The following RGS5 variants were observed in gnomAD, a reference collection of about 807,000 sequenced individuals.
The protein encoded by RGS5 is regulator of G-protein signalling 5.
A neutral mutation model predicts 18.9 loss-of-function variants in RGS5; 20 were observed. That is an observed-to-expected ratio of 1.06 (90% CI 0.74 to 1.54). The LOEUF is 1.54. RGS5 is among the 40% of genes most tolerant of loss of function. The pLI is 0.00. For synonymous variants in RGS5, 57 were observed against 76.2 expected, an observed-to-expected ratio of 0.75 and a Z score of 1.31; for missense variants, 201 against 211.8, an observed-to-expected ratio of 0.95 and a Z score of 0.32.
At chr1:163,159,963 A>T (rs951943042) in intron 3 of RGS5, among the ~76,000 whole-genome samples, 7 of 152,188 alleles carry the variant, frequency 4.6e-5, no homozygotes, top group Admixed American at 4.6e-4. Flanking sequence ...AGTAGAAAAT[A>T]TTACTGTGAG....
chr1:163,234,093 T>C (rs1465092220), intron 2 of RGS5, among the ~76,000 whole-genome samples: 2 of 152,232 alleles, frequency 1.3e-5, no homozygotes, highest in Non-Finnish European at 2.9e-5. Context: ...CTTGACCTAC[T>C]GCTGGCTAGG....
intron 1 of RGS5, among the ~76,000 whole-genome samples, chr1:163,215,291 G>T (rs2101674270): frequency 6.6e-6 from 1 of 152,254 alleles, no homozygotes; most frequent in South Asian, 2.1e-4. Context: ...CCTGCTGCTT[G>T]GGTTTACTCC....
intron 2 of RGS5, among the ~76,000 whole-genome samples, chr1:163,286,311 A>G (rs1203738039): frequency 6.6e-6 from 1 of 152,120 alleles, no homozygotes; most frequent in African/African-American, 2.4e-5. Context: ...GCATTAGTAG[A>G]TTTTAGTATC....
At chr1:163,317,926 G>A (rs1050748752) in intron 1 of RGS5, among the ~76,000 whole-genome samples, 1 of 149,626 alleles carries the variant, frequency 6.7e-6, no homozygotes, top group Non-Finnish European at 1.5e-5. Context: ...ATATTTGCTT[G>A]TTCATTATTA....
intron 1 of RGS5, among the ~76,000 whole-genome samples, chr1:163,190,695 A>G (rs1659308317): frequency 6.6e-6 from 1 of 152,232 alleles, no homozygotes; most frequent in Admixed American, 6.5e-5. Context: ...TGTCACTCCT[A>G]TCAAAGAAGA....
In RGS5 at chr1:163,146,525, A is replaced by T. The variant is rs1391630463; in HGVS notation, c.*817T>A. 3 of 152,214 alleles carry T rather than the reference A, an allele frequency of 2.0e-5. No homozygotes were observed. Among genetic ancestry groups the T allele is most frequent in the Admixed American group, 1.3e-4 (2 of 15,282 alleles). The allele number at this position is 152,214 out of a possible 1,614,324, so 9.4% of individuals were successfully genotyped here. On this transcript the variant is annotated 3_prime_UTR_variant, in exon 5 of 5. Transcript: ENST00000313961. ...TTAGAAATTTACAAATTTTAAACTC[A>T]TAAGAATTCTAAATAATTTGAAAAT...
intron 2 of RGS5, among the ~76,000 whole-genome samples, chr1:163,234,134 A>G (rs1445625386): frequency 6.6e-6 from 1 of 152,242 alleles, no homozygotes; most frequent in Non-Finnish European, 1.5e-5. Flanking sequence ...TAGAAGGGAT[A>G]AGATCACATA....
chr1:163,185,501 C>A (rs1183957100), intron 1 of RGS5, among the ~76,000 whole-genome samples: 1 of 152,206 alleles, frequency 6.6e-6, no homozygotes, highest in Non-Finnish European at 1.5e-5. Flanking sequence ...CTCAACCCCC[C>A]AGGCTCAACT....
At chr1:163,236,024 A>G (rs539193077) in intron 2 of RGS5, among the ~76,000 whole-genome samples, 1 of 152,304 alleles carries the variant, frequency 6.6e-6, no homozygotes, top group East Asian at 1.9e-4. Context: ...CTAGATTCTG[A>G]GACTATCTCT....
chr1:163,297,126 TAAAG>T (rs1453876871), intron 2 of RGS5, among the ~76,000 whole-genome samples: 1 of 151,932 alleles, frequency 6.6e-6, no homozygotes, highest in Non-Finnish European at 1.5e-5. Context: ...CAGTTGGAGG[TAAAG>T]AAAGGCAGAT....
intron 2 of RGS5, among the ~76,000 whole-genome samples, chr1:163,297,433 T>A (rs1331919461): frequency 1.3e-5 from 2 of 152,202 alleles, no homozygotes; most frequent in African/African-American, 4.8e-5. Context: ...TTATACCTTA[T>A]CTGCTTTTTA....
chr1:163,164,877 A>T (rs928966919), intron 2 of RGS5, among the ~76,000 whole-genome samples: 1 of 152,220 alleles, frequency 6.6e-6, no homozygotes, highest in African/African-American at 2.4e-5. Flanking sequence ...TGCCTGGCAC[A>T]TACTTAAATG....
intron 2 of RGS5, among the ~76,000 whole-genome samples, chr1:163,259,332 A>G (rs1156444412): frequency 7.4e-6 from 1 of 134,790 alleles, no homozygotes; most frequent in Admixed American, 7.3e-5. Context: ...TTTTTTTTTT[A>G]TCTTTTTTTT....
intron 2 of RGS5, among the ~76,000 whole-genome samples, chr1:163,256,194 T>C (rs1648267697): frequency 6.6e-6 from 1 of 152,080 alleles, no homozygotes; most frequent in African/African-American, 2.4e-5. Flanking sequence ...GATGACATGA[T>C]TGTATATCTA....
At chr1:163,238,540 TC>T (rs1158482657) in intron 2 of RGS5, 1 of 158,214 alleles carries the variant, frequency 6.3e-6, no homozygotes, top group African/African-American at 2.4e-5. Context: ...AGCTAGACCT[TC>T]CTCCACTTTT....
intron 2 of RGS5, among the ~76,000 whole-genome samples, chr1:163,256,333 C>G (rs1407055948): frequency 6.6e-6 from 1 of 151,634 alleles, no homozygotes; most frequent in Non-Finnish European, 1.5e-5. Context: ...AAACAGAGAG[C>G]CAAATCATGA....
intron 1 of RGS5, among the ~76,000 whole-genome samples, chr1:163,311,515 T>C (rs939978641): frequency 4.6e-5 from 7 of 152,222 alleles, no homozygotes; most frequent in African/African-American, 1.7e-4. Context: ...AAGTGAGACA[T>C]TTGACTCTTT....
chr1:163,226,025 A>G (rs2101681162), intron 2 of RGS5, among the ~76,000 whole-genome samples: 1 of 151,946 alleles, frequency 6.6e-6, no homozygotes, highest in East Asian at 1.9e-4. Flanking sequence ...GGTTCAAAGT[A>G]TTCTCCTGCC....
intron 2 of RGS5, among the ~76,000 whole-genome samples, chr1:163,223,382 T>C (rs568889267): frequency 6.6e-6 from 1 of 152,320 alleles, no homozygotes; most frequent in South Asian, 2.1e-4. Flanking sequence ...GGTACAGATA[T>C]AGTTCAAGCT....
Sources: gnomAD v4.1 joint callset for allele counts (sites outside exome capture counted in the v4.1 genomes callset) on GRCh38, gnomAD v4.1.1 for gene constraint, MANE v1.5 for transcripts, NCBI Gene and HGNC (gene_info 2026-07-23, HGNC 2026-07-21) for gene names.